Variants in HS6ST3 observed in about 807,000 individuals in gnomAD.
HS6ST3 encodes the protein heparan-sulfate 6-O-sulfotransferase 3.
HS6ST3 carries 12 observed loss-of-function variants against 36.7 expected under a neutral mutation model. The ratio of observed to expected loss-of-function variants is 0.33; its 90% CI spans 0.21 to 0.53. HS6ST3 has a LOEUF of 0.53. HS6ST3 is among the 20% of genes least tolerant of loss of function. The pLI is 0.95. For synonymous variants in HS6ST3, 240 were observed against 257.5 expected, an observed-to-expected ratio of 0.93 and a Z score of 0.65; for missense variants, 584 against 640.9, an observed-to-expected ratio of 0.91 and a Z score of 0.96.
At chr13:96,177,625 G>T (rs562400266) in intron 1 of HS6ST3, among the ~76,000 whole-genome samples, 2 of 152,150 alleles carry the variant, frequency 1.3e-5, no homozygotes, top group South Asian at 4.2e-4. Context: ...ACAGATATGG[G>T]GGTCTTGTTT....
At chr13:96,636,490 A>G (rs2139003943) in intron 1 of HS6ST3, among the ~76,000 whole-genome samples, 3 of 152,244 alleles carry the variant, frequency 2.0e-5, no homozygotes, top group Middle Eastern at 6.8e-3. Flanking sequence ...CTATAGAGAA[A>G]AGAGCAGCAT....
rs189807566 is a variant in HS6ST3, at chr13:96,276,637, T to C, written c.707+185068T>C. Among the ~76,000 whole-genome samples the C allele has an allele frequency of 3.3e-5, 5 of 152,344 alleles. No individual in the cohort carries two copies. In the East Asian group the frequency reaches 7.7e-4, roughly 23 times the overall value. ...TATACAGGTTAACTATTTTATTTCA[T>C]TGGATTTCTGTTGAAATATAAGCTC... On this transcript the variant is annotated intron_variant, in intron 1 of 1. Coordinates refer to ENST00000376705, the MANE Select transcript of HS6ST3 (RefSeq NM_153456.4).
At chr13:96,229,418 C>T (rs114654225) in intron 1 of HS6ST3, among the ~76,000 whole-genome samples, 4 of 152,278 alleles carry the variant, frequency 2.6e-5, no homozygotes, top group African/African-American at 7.2e-5. Context: ...GAGTCTGGGA[C>T]GACTAGCTTA....
intron 1 of HS6ST3, among the ~76,000 whole-genome samples, chr13:96,554,015 C>A (rs191525671): frequency 6.6e-6 from 1 of 152,150 alleles, no homozygotes; most frequent in East Asian, 1.9e-4. Flanking sequence ...CGTGCATGTG[C>A]GAGGTAATGA....
chr13:96,824,446 A>G (rs899864250), intron 1 of HS6ST3, among the ~76,000 whole-genome samples: 1 of 152,172 alleles, frequency 6.6e-6, no homozygotes, highest in Non-Finnish European at 1.5e-5. Context: ...CATCATTCTT[A>G]ACTTCCTTAA....
chr13:96,236,716 CCT>C (rs745376131), intron 1 of HS6ST3, among the ~76,000 whole-genome samples: 1 of 152,126 alleles, frequency 6.6e-6, no homozygotes, highest in Non-Finnish European at 1.5e-5. Context: ...TGATCAAAAA[CCT>C]CAAATAGCCA....
chr13:96,090,434 C>T lies in HS6ST3; in HGVS notation c.-429C>T, dbSNP rs917245035. On this transcript the variant is annotated 5_prime_UTR_variant, in exon 1 of 2. Transcript: ENST00000376705. Reference sequence around the variant, plus strand: ...CGCCCTGGCGAGCCTCATGCAGCCCCGGCGCTCGCGGCCGCAGCTACCCGG... The same window carrying T: ...CGCCCTGGCGAGCCTCATGCAGCCCTGGCGCTCGCGGCCGCAGCTACCCGG... 2.7e-4 allele frequency among the ~76,000 whole-genome samples: 40 copies of T among 146,462 alleles called. No individual in the cohort carries two copies. Among genetic ancestry groups the T allele is most frequent in the Non-Finnish European group, 5.2e-4 (34 of 65,804 alleles).
At chr13:96,610,120 A>G (rs2056452561) in intron 1 of HS6ST3, among the ~76,000 whole-genome samples, 1 of 152,230 alleles carries the variant, frequency 6.6e-6, no homozygotes, top group Admixed American at 6.5e-5. Flanking sequence ...GCCTGGTTCA[A>G]ATCCCAGCTC....
intron 1 of HS6ST3, among the ~76,000 whole-genome samples, chr13:96,801,389 A>G (rs150601647): frequency 7.2e-5 from 11 of 152,240 alleles, no homozygotes; most frequent in Non-Finnish European, 1.2e-4. Flanking sequence ...AGTCCTATAC[A>G]CAGATGCTGT....
chr13:96,747,027 T>A (rs1566444175), intron 1 of HS6ST3, among the ~76,000 whole-genome samples: 1 of 151,682 alleles, frequency 6.6e-6, no homozygotes, highest in African/African-American at 2.4e-5. Context: ...GCGAGACTAT[T>A]TTTTTTTCCC....
intron 1 of HS6ST3, among the ~76,000 whole-genome samples, chr13:96,674,204 C>T (rs1307817145): frequency 2.0e-5 from 3 of 152,032 alleles, no homozygotes; most frequent in Non-Finnish European, 4.4e-5. Context: ...CGTCTCCTTC[C>T]CTTTCTTTCC....
At chr13:96,460,035 G>C (rs1274693082) in intron 1 of HS6ST3, among the ~76,000 whole-genome samples, 1 of 152,246 alleles carries the variant, frequency 6.6e-6, no homozygotes, top group South Asian at 2.1e-4. Flanking sequence ...AGCTAAATTT[G>C]CTATATTGCA....
chr13:96,183,548 T>C (rs1284625155), intron 1 of HS6ST3, among the ~76,000 whole-genome samples: 1 of 152,204 alleles, frequency 6.6e-6, no homozygotes, highest in Non-Finnish European at 1.5e-5. Context: ...ATAGATGTTG[T>C]TGTGGGTTCC....
chr13:96,474,286 A>T (rs1224038187), intron 1 of HS6ST3, among the ~76,000 whole-genome samples: 1 of 152,150 alleles, frequency 6.6e-6, no homozygotes, highest in African/African-American at 2.4e-5. Flanking sequence ...AGATTTGGAG[A>T]GGAGCACAGT....
chr13:96,387,637 A>T (rs1168652756), intron 1 of HS6ST3, among the ~76,000 whole-genome samples: 1 of 152,192 alleles, frequency 6.6e-6, no homozygotes, highest in Non-Finnish European at 1.5e-5. Flanking sequence ...TTTGTACTTC[A>T]TTATTCTATA....
chr13:96,822,329 A>G (rs966228577), intron 1 of HS6ST3, among the ~76,000 whole-genome samples: 39 of 152,304 alleles, frequency 2.6e-4, no homozygotes, highest in African/African-American at 8.9e-4. Context: ...GAACCAAATA[A>G]TCACGGAAGT....
intron 1 of HS6ST3, among the ~76,000 whole-genome samples, chr13:96,169,046 C>T (rs2054174640): frequency 6.6e-6 from 1 of 152,180 alleles, no homozygotes; most frequent in African/African-American, 2.4e-5. Flanking sequence ...GGTCATGGGG[C>T]ACTTCTGAAC....
intron 1 of HS6ST3, among the ~76,000 whole-genome samples, chr13:96,417,590 ATGTGTGTGTGTGTGTGTG>A (rs148288275): frequency 7.1e-6 from 1 of 139,914 alleles, no homozygotes; most frequent in Non-Finnish European, 1.5e-5. Context: ...GCATATATAT[ATGTGTGTGTGTGTGTGTG>A]TGTGTGTGTG....
intron 1 of HS6ST3, among the ~76,000 whole-genome samples, chr13:96,532,034 A>G (rs2389696): frequency 0.73 from 111,340 of 152,028 alleles, 42,605 homozygotes; most frequent in Non-Finnish European, 0.83. Context: ...ACAGCAGGCC[A>G]TCTGGTCACC....
Sources: allele counts gnomAD v4.1 joint callset (sites outside exome capture counted in the v4.1 genomes callset), GRCh38; gene constraint gnomAD v4.1.1; transcripts MANE v1.5; gene names NCBI Gene and HGNC (gene_info 2026-07-23, HGNC 2026-07-21).